The following PDE10A variants were observed in gnomAD, a reference collection of about 807,000 sequenced individuals.
The protein encoded by PDE10A is cAMP and cAMP-inhibited cGMP 3',5'-cyclic phosphodiesterase 10A.
Under a neutral mutation model 97.7 loss-of-function variants are expected in PDE10A, and 39 were observed. The ratio of observed to expected loss-of-function variants is 0.40; its 90% CI spans 0.31 to 0.52. The LOEUF (loss-of-function observed/expected upper bound fraction) is 0.52. Ranked by LOEUF, PDE10A falls within the 20% of genes least tolerant of loss-of-function variation. PDE10A has a pLI of 0.56. For synonymous variants in PDE10A, 371 were observed against 376.8 expected, an observed-to-expected ratio of 0.98 and a Z score of 0.18; for missense variants, 731 against 1,047.8, an observed-to-expected ratio of 0.70 and a Z score of 4.17.
intron 3 of PDE10A, among the ~76,000 whole-genome samples, chr6:165,456,849 A>G (rs528673092): frequency 2.3e-4 from 35 of 152,354 alleles, no homozygotes; most frequent in Middle Eastern, 6.8e-3. Context: ...TATGACAGCA[A>G]AATGTTTTTA....
Position 165,363,656 on chromosome 6 carries a change from T to A in PDE10A, c.2783+15538A>T, listed in dbSNP as rs1783570428. On this transcript the variant is annotated intron_variant, in intron 18 of 21. Transcript: ENST00000539869. ...AAACCTAAGCAATGCACCAAAAAATTATTAGAAGAAATGAGTTCATTAAGG... is the reference window on the plus strand; with the variant it reads ...AAACCTAAGCAATGCACCAAAAAATAATTAGAAGAAATGAGTTCATTAAGG... Among the ~76,000 whole-genome samples the A allele has an allele frequency of 2.0e-5, 3 of 152,152 alleles. No individual in the cohort carries two copies. In the South Asian group the frequency reaches 6.2e-4, roughly 32 times the overall value.
At chr6:165,899,875 G>T (rs2128483960) in intron 1 of PDE10A, among the ~76,000 whole-genome samples, 1 of 152,368 alleles carries the variant, frequency 6.6e-6, no homozygotes, top group Admixed American at 6.5e-5. Flanking sequence ...TGCTTACGGA[G>T]TTGGGTTGCT....
chr6:165,337,182 G>T (rs903375211), intron 20 of PDE10A, among the ~76,000 whole-genome samples: 1 of 151,882 alleles, frequency 6.6e-6, no homozygotes, highest in Non-Finnish European at 1.5e-5. Context: ...AGGAATTCTG[G>T]GTCACTGTGC....
At chr6:165,818,143 CTTG>C (rs1779471283) in intron 1 of PDE10A, among the ~76,000 whole-genome samples, 2 of 152,222 alleles carry the variant, frequency 1.3e-5, no homozygotes, top group African/African-American at 4.8e-5. Context: ...CACTGTCCCT[CTTG>C]TTGATTGCAA....
intron 1 of PDE10A, among the ~76,000 whole-genome samples, chr6:165,734,983 T>C (rs1215324399): frequency 6.7e-6 from 1 of 149,116 alleles, no homozygotes; most frequent in African/African-American, 2.6e-5. Context: ...GATAGATAGA[T>C]AGATAGATAG....
intron 1 of PDE10A, among the ~76,000 whole-genome samples, chr6:165,569,605 ACTG>A (rs1386693178): frequency 6.6e-6 from 1 of 152,116 alleles, no homozygotes; most frequent in Non-Finnish European, 1.5e-5. Context: ...CTCCGTTCAA[ACTG>A]CTTGTTTCAT....
At chr6:165,523,598 C>A (rs923731801) in intron 2 of PDE10A, among the ~76,000 whole-genome samples, 56 of 152,130 alleles carry the variant, frequency 3.7e-4, no homozygotes, top group Non-Finnish European at 4.4e-5. Flanking sequence ...CCCAACCTAT[C>A]ACCAAATTTT....
At chr6:165,771,895 G>A (rs1331929954) in intron 1 of PDE10A, among the ~76,000 whole-genome samples, 1 of 152,136 alleles carries the variant, frequency 6.6e-6, no homozygotes, top group African/African-American at 2.4e-5. Flanking sequence ...CTGGCTGCAT[G>A]AGGGGAAGAC....
At chr6:165,387,895 A>G (rs1389597491) in intron 17 of PDE10A, among the ~76,000 whole-genome samples, 1 of 152,218 alleles carries the variant, frequency 6.6e-6, no homozygotes, top group Admixed American at 6.5e-5. Context: ...AACAAAACAT[A>G]CAGTGTAAAA....
At chr6:165,569,715 T>C (rs1244111232) in intron 1 of PDE10A, among the ~76,000 whole-genome samples, 3 of 152,202 alleles carry the variant, frequency 2.0e-5, no homozygotes, top group African/African-American at 7.2e-5. Context: ...GAAGAATGCT[T>C]CACAGGAAAT....
chr6:165,640,511 A>C (rs1789079602), intron 1 of PDE10A, among the ~76,000 whole-genome samples: 1 of 152,218 alleles, frequency 6.6e-6, no homozygotes, highest in South Asian at 2.1e-4. Context: ...TGGCTCAAAG[A>C]AAATGAACAT....
At chr6:165,810,203 G>C (rs938230123) in intron 1 of PDE10A, among the ~76,000 whole-genome samples, 2 of 152,196 alleles carry the variant, frequency 1.3e-5, no homozygotes, top group East Asian at 3.8e-4. Flanking sequence ...TGGCCGGGGA[G>C]GAGAGAGCAC....
intron 1 of PDE10A, among the ~76,000 whole-genome samples, chr6:165,873,999 G>A (rs1377790226): frequency 4.6e-5 from 7 of 152,140 alleles, no homozygotes; most frequent in Non-Finnish European, 1.0e-4. Flanking sequence ...TTCTCTAAGG[G>A]ACAAAGGGTG....
At chr6:165,818,301 G>T (rs976867608) in intron 1 of PDE10A, among the ~76,000 whole-genome samples, 1 of 152,202 alleles carries the variant, frequency 6.6e-6, no homozygotes, top group Non-Finnish European at 1.5e-5. Flanking sequence ...AGAAATAGAA[G>T]AACAGTGACA....
At chr6:165,626,145 G>A (rs1254895152) in intron 1 of PDE10A, among the ~76,000 whole-genome samples, 4 of 152,164 alleles carry the variant, frequency 2.6e-5, no homozygotes, top group Non-Finnish European at 5.9e-5. Context: ...GGTGCAGCCA[G>A]CTTCATCACA....
At chr6:165,890,394 GA>G (rs1314301118) in intron 1 of PDE10A, among the ~76,000 whole-genome samples, 6 of 152,266 alleles carry the variant, frequency 3.9e-5, no homozygotes, top group African/African-American at 1.4e-4. Context: ...AGAGAAGGAT[GA>G]CAAACAATAA....
chr6:165,856,343 C>T (rs1183096213), intron 1 of PDE10A, among the ~76,000 whole-genome samples: 1 of 152,202 alleles, frequency 6.6e-6, no homozygotes, highest in Non-Finnish European at 1.5e-5. Context: ...TACGGTGTCA[C>T]CAGCCCTTCT....
intron 3 of PDE10A, among the ~76,000 whole-genome samples, chr6:165,473,860 C>T (rs1779148713): frequency 6.6e-6 from 1 of 152,178 alleles, no homozygotes; most frequent in African/African-American, 2.4e-5. Flanking sequence ...ATAATATGTG[C>T]TTGTATAATA....
intron 2 of PDE10A, among the ~76,000 whole-genome samples, chr6:165,503,566 A>C (rs1256331155): frequency 6.6e-6 from 1 of 152,184 alleles, no homozygotes; most frequent in Non-Finnish European, 1.5e-5. Context: ...ATTCAATAAG[A>C]ACCCAGAGGA....
Sources: allele counts gnomAD v4.1 joint callset (sites outside exome capture counted in the v4.1 genomes callset), GRCh38; gene constraint gnomAD v4.1.1; transcripts MANE v1.5; gene names NCBI Gene and HGNC (gene_info 2026-07-23, HGNC 2026-07-21).